The following VPS13B variants were observed in gnomAD, a reference collection of about 807,000 sequenced individuals.
VPS13B encodes the protein intermembrane lipid transfer protein VPS13B.
VPS13B carries 285 observed loss-of-function variants against 426.4 expected under a neutral mutation model. The ratio of observed to expected loss-of-function variants is 0.67; its 90% CI spans 0.61 to 0.74. VPS13B has a LOEUF of 0.74. Ranked by LOEUF, VPS13B falls within the 30% of genes least tolerant of loss-of-function variation. VPS13B has a pLI of 0.00. For synonymous variants in VPS13B, 1,676 were observed against 1,676.4 expected (o/e 1.00, Z 0.01); for missense variants, 4,537 against 4,782.6 (o/e 0.95, Z 1.51).
At chr8:99,282,185 C>G (rs1339064560) in intron 19 of VPS13B, among the ~76,000 whole-genome samples, 1 of 152,080 alleles carries the variant, frequency 6.6e-6, no homozygotes, top group Non-Finnish European at 1.5e-5. Context: ...TTTACAAAAG[C>G]CTCCACCACC....
chr8:99,341,742 C>G, intron 19 of VPS13B: 1 of 393,720 alleles, frequency 2.5e-6, no homozygotes, highest in South Asian at 2.4e-5. Context: ...TTTGTCTTTC[C>G]CACCAATAAC....
chr8:99,614,916 G>C (rs955169535), intron 33 of VPS13B, among the ~76,000 whole-genome samples: 1 of 151,790 alleles, frequency 6.6e-6, no homozygotes, highest in Admixed American at 6.6e-5. Context: ...TTGGGAGTTC[G>C]AGACCAGCCT....
intron 17 of VPS13B, among the ~76,000 whole-genome samples, chr8:99,242,697 TGAG>T: frequency 6.6e-6 from 1 of 152,334 alleles, no homozygotes; most frequent in African/African-American, 2.4e-5. Context: ...AAGTTATACT[TGAG>T]TTCTGACTTT....
chr8:99,193,107 C>T, intron 17 of VPS13B, 50 bp downstream of exon 17: 3 of 1,569,060 alleles, frequency 1.9e-6, no homozygotes, highest in Non-Finnish European at 2.6e-6. Flanking sequence ...GTGTTAGAGG[C>T]AACTAATATT....
chr8:99,784,986 C>G (rs547280214), intron 43 of VPS13B, among the ~76,000 whole-genome samples: 1 of 152,212 alleles, frequency 6.6e-6, no homozygotes, highest in Non-Finnish European at 1.5e-5. Context: ...AGGTAAGTCA[C>G]AGGCCTTGCC....
chr8:99,344,487 C>T (rs576510590), intron 19 of VPS13B, among the ~76,000 whole-genome samples: 222 of 152,242 alleles, frequency 1.5e-3, no homozygotes, highest in African/African-American at 5.0e-3. Context: ...ATGTCTTTTA[C>T]TTTATTGGAT....
At chr8:99,311,500 C>T (rs200285048) in intron 19 of VPS13B, among the ~76,000 whole-genome samples, 7 of 152,176 alleles carry the variant, frequency 4.6e-5, no homozygotes, top group Non-Finnish European at 7.4e-5. Context: ...TTCTTTATCC[C>T]GAGTTCTAGT....
chr8:99,039,529 C>G (rs200079958), intron 3 of VPS13B, among the ~76,000 whole-genome samples: 1 of 148,774 alleles, frequency 6.7e-6, no homozygotes, highest in East Asian at 2.0e-4. Context: ...GTGTGTCTGT[C>G]ATTCATTTTT....
chr8:99,111,042 T>C, intron 5 of VPS13B, 56 bp from the exon 6 acceptor site: 1 of 1,380,098 alleles, frequency 7.2e-7, no homozygotes, highest in Non-Finnish European at 1.0e-6. Context: ...TAAATAATAG[T>C]TGCCTTTCCC....
chr8:99,504,603 C>T (rs1021857079), intron 27 of VPS13B, among the ~76,000 whole-genome samples: 5 of 152,108 alleles, frequency 3.3e-5, no homozygotes, highest in African/African-American at 7.2e-5. Flanking sequence ...CACAAGCAGT[C>T]GTTCTCAACA....
chr8:99,589,152 T>G (rs1826464905), intron 33 of VPS13B, among the ~76,000 whole-genome samples: 1 of 151,772 alleles, frequency 6.6e-6, no homozygotes, highest in African/African-American at 2.4e-5. Context: ...TGAAGCAGAC[T>G]TGATCATGGT....
Position 99,821,322 on chromosome 8 carries a change from C to A in VPS13B, c.9023C>A (p.Ala3008Glu), listed in dbSNP as rs6992059. Residue 3008 changes from alanine (A) to glutamate (E), a missense_variant, in exon 50 of 62, where the codon GCA becomes GAA. By Grantham distance (107) the Ala-to-Glu change is moderately radical. Coordinates refer to ENST00000357162, the MANE Select transcript of VPS13B (RefSeq NM_152564.5). The stretch of plus-strand genomic sequence containing the variant: ...GCTTTTCAAATTGGAATATACTGGG[C>A]AAATACAAACACTGTGCACAAGTCA... ...QEAFQIGIYWANTNTVHKSVA... is the reference protein window; with the variant it reads ...QEAFQIGIYWENTNTVHKSVA... 2.5e-6 allele frequency: 4 copies of A among 1,613,466 alleles called. No homozygotes were observed. The highest frequency in any genetic ancestry group is 1.6e-4 in the Middle Eastern group (1 of 6,082).
chr8:99,572,266 TGTTTTCCA>T (rs1825515734), intron 31 of VPS13B, among the ~76,000 whole-genome samples: 1 of 152,210 alleles, frequency 6.6e-6, no homozygotes, highest in Non-Finnish European at 1.5e-5. Flanking sequence ...TTCTCAATAA[TGTTTTCCA>T]GTTTCATCTT....
chr8:99,198,435 T>C (rs1814078850), intron 17 of VPS13B, among the ~76,000 whole-genome samples: 1 of 152,152 alleles, frequency 6.6e-6, no homozygotes. Context: ...ATTATTTGCT[T>C]TTATAATTTT....
chr8:99,460,510 TAG>T (rs1244711774), intron 23 of VPS13B, among the ~76,000 whole-genome samples: 1 of 152,186 alleles, frequency 6.6e-6, no homozygotes, highest in African/African-American at 2.4e-5. Flanking sequence ...ACTATATCTG[TAG>T]AGTCTTTCAT....
At chr8:99,654,109 C>T (rs1312706101) in intron 34 of VPS13B, among the ~76,000 whole-genome samples, 5 of 151,914 alleles carry the variant, frequency 3.3e-5, no homozygotes, top group African/African-American at 9.7e-5. Flanking sequence ...AGTGCAGTGG[C>T]GCGATCTCGG....
At chr8:99,506,563 G>A (rs1466455790) in intron 27 of VPS13B, among the ~76,000 whole-genome samples, 1 of 152,184 alleles carries the variant, frequency 6.6e-6, no homozygotes, top group East Asian at 1.9e-4. Context: ...GGGATGTAGT[G>A]TTTAAGAAAA....
At chr8:99,362,000 A>G (rs1812587683) in intron 19 of VPS13B, among the ~76,000 whole-genome samples, 1 of 152,214 alleles carries the variant, frequency 6.6e-6, no homozygotes, top group Non-Finnish European at 1.5e-5. Context: ...AGTGCCAGAT[A>G]TGGGCACACA....
intron 23 of VPS13B, among the ~76,000 whole-genome samples, chr8:99,449,606 G>A (rs1818088970): frequency 6.6e-6 from 1 of 152,100 alleles, no homozygotes; most frequent in Admixed American, 6.6e-5. Flanking sequence ...TGTGATGGAA[G>A]CTACCAATAG....
Sources: allele counts gnomAD v4.1 joint callset (sites outside exome capture counted in the v4.1 genomes callset), GRCh38; gene constraint gnomAD v4.1.1; transcripts MANE v1.5; gene names NCBI Gene and HGNC (gene_info 2026-07-23, HGNC 2026-07-21).